AIMP1: variants seen among roughly 807,000 people sequenced by gnomAD.
The protein encoded by AIMP1 is aminoacyl tRNA synthetase complex interacting multifunctional protein 1.
Under a neutral mutation model 33.1 loss-of-function variants are expected in AIMP1, and 24 were observed. The observed-to-expected ratio is 0.73, with a 90% confidence interval of 0.53 to 1.02. The LOEUF is 1.02. Ranked by LOEUF, AIMP1 falls within the 50% of genes least tolerant of loss-of-function variation. The pLI, the probability that AIMP1 is intolerant of heterozygous loss-of-function variation, is 0.00. For synonymous variants in AIMP1, 120 were observed against 121.5 expected (o/e 0.99, Z 0.08); for missense variants, 367 against 364.8 (o/e 1.01, Z -0.05).
Position 106,316,582 on chromosome 4 carries a change from T to C in AIMP1, c.-38T>C. On this transcript the variant is annotated 5_prime_UTR_variant, in exon 1 of 7. Coordinates refer to ENST00000672341, the MANE Select transcript of AIMP1 (RefSeq NM_001142416.2). ...GCTGTGGCTGTCTCGGAACCCGTGG[T>C]CCTCCGCTTCATGTGAGTGACGTCG... 1.9e-6 allele frequency: 3 copies of C among 1,551,578 alleles called. No individual in the cohort carries two copies. The highest frequency in any genetic ancestry group is 1.4e-5 in the African/African-American group (1 of 73,168).
intron 1 of AIMP1, 54 bp from the exon 2 acceptor site, chr4:106,324,931 A>G (rs561196891): frequency 3.5e-5 from 50 of 1,427,032 alleles, no homozygotes; most frequent in Admixed American, 4.7e-5. Flanking sequence ...AGTGGCCTAT[A>G]GTATAAATTT....
chr4:106,332,566 T>C (rs531041357), intron 5 of AIMP1, among the ~76,000 whole-genome samples: 1 of 150,538 alleles, frequency 6.6e-6, no homozygotes, highest in South Asian at 2.1e-4. Flanking sequence ...CATTTACAGA[T>C]GACGTTTAGG....
intron 6 of AIMP1, among the ~76,000 whole-genome samples, chr4:106,345,148 G>A (rs1477996531): frequency 2.0e-5 from 3 of 152,158 alleles, no homozygotes; most frequent in African/African-American, 4.8e-5. Flanking sequence ...ATCTGAGAAG[G>A]TTAATTTTGT....
Position 106,343,534 on chromosome 4 carries a change from C to T in AIMP1, c.773-3992C>T, listed in dbSNP as rs907007544. Among the ~76,000 whole-genome samples, 24 of 152,128 alleles carry T rather than the reference C, an allele frequency of 1.6e-4. 1 individual carries two copies. Among genetic ancestry groups the T allele is most frequent in the Non-Finnish European group, 3.1e-4 (21 of 67,988 alleles). ...GGATTTTCTTTTTTTTTACAAGTAC[C>T]CATGACTTTGAATGAATCTGTGTCT... On this transcript the variant is annotated intron_variant, in intron 6 of 6. Coordinates refer to ENST00000672341, the MANE Select transcript of AIMP1 (RefSeq NM_001142416.2).
chr4:106,347,438 A>C, intron 6 of AIMP1, 88 bp from the exon 7 acceptor site: 5 of 1,282,162 alleles, frequency 3.9e-6, no homozygotes, highest in Non-Finnish European at 5.3e-6. Flanking sequence ...TTGCCAAAAC[A>C]ATTCACTGGA....
chr4:106,331,440 C>T (rs193030304), intron 4 of AIMP1, among the ~76,000 whole-genome samples: 1 of 152,138 alleles, frequency 6.6e-6, no homozygotes, highest in Non-Finnish European at 1.5e-5. Context: ...AGTTTGCCAA[C>T]CTCACACAAT....
At chr4:106,345,894 TA>T (rs1770280033) in intron 6 of AIMP1, among the ~76,000 whole-genome samples, 1 of 148,358 alleles carries the variant, frequency 6.7e-6, no homozygotes, top group African/African-American at 2.4e-5. Context: ...AATATAAATA[TA>T]AAATATATTT....
At chr4:106,316,881 C>T in intron 1 of AIMP1, 1 of 391,280 alleles carries the variant, frequency 2.6e-6, no homozygotes, top group Non-Finnish European at 4.7e-6. Context: ...TGTCAAAGGA[C>T]TTAGGTGCTT....
intron 6 of AIMP1, among the ~76,000 whole-genome samples, chr4:106,346,974 CAGTCAAAGCA>C (rs1377164168): frequency 1.3e-5 from 2 of 152,056 alleles, no homozygotes; most frequent in South Asian, 2.1e-4. Context: ...TTACTCGTGG[CAGTCAAAGCA>C]AGTCAAAGCA....
At chr4:106,347,430 G>A in intron 6 of AIMP1, 96 bp from the exon 7 acceptor site, 1 of 1,208,444 alleles carries the variant, frequency 8.3e-7, no homozygotes, top group South Asian at 1.9e-5. Flanking sequence ...AGAAAATGTT[G>A]CCAAAACAAT....
intron 4 of AIMP1, among the ~76,000 whole-genome samples, chr4:106,328,971 C>T (rs972776678): frequency 1.3e-5 from 2 of 151,930 alleles, no homozygotes. Context: ...GACTTCCTTT[C>T]CCCAGATATG....
At chr4:106,331,955 A>G in intron 5 of AIMP1, 72 bp downstream of exon 5, 1 of 1,419,202 alleles carries the variant, frequency 7.0e-7, no homozygotes, top group Non-Finnish European at 1.0e-6. Context: ...GTATCTTTCC[A>G]TTATAATTTT....
intron 4 of AIMP1, among the ~76,000 whole-genome samples, chr4:106,329,536 A>T (rs919856500): frequency 1.3e-5 from 2 of 152,200 alleles, no homozygotes; most frequent in East Asian, 3.9e-4. Context: ...ATGGTAGTCA[A>T]TGGCCACATG....
In AIMP1 at chr4:106,331,801, T is replaced by G; in HGVS notation, c.521T>G (p.Leu174Trp). Residue 174 changes from leucine to tryptophan, a missense_variant, in exon 5 of 7, where the codon TTG (leucine) becomes TGG (tryptophan). Transcript: ENST00000672341. ...TARKHPDADS[L>W]YVEEVDVGEI... ...AGAAAACACCCTGATGCAGATTCTT[T>G]GTATGTGGAAGAAGTAGATGTCGGA... 1 of 1,614,162 alleles carries G rather than the reference T, an allele frequency of 6.2e-7. No individual in the cohort carries two copies. Among genetic ancestry groups the G allele is most frequent in the South Asian group, 1.1e-5 (1 of 91,082 alleles).
At chr4:106,343,341 A>G (rs961310783) in intron 6 of AIMP1, among the ~76,000 whole-genome samples, 3 of 152,216 alleles carry the variant, frequency 2.0e-5, no homozygotes, top group Non-Finnish European at 2.9e-5. Flanking sequence ...TTATATAGGC[A>G]TGTTTTAAAA....
intron 6 of AIMP1, among the ~76,000 whole-genome samples, chr4:106,345,838 GAATATAAAATATA>G (rs1770276502): frequency 1.4e-5 from 2 of 147,922 alleles, no homozygotes; most frequent in African/African-American, 4.9e-5. Context: ...GATGTCATCA[GAATATAAAATATA>G]AATATAAAAT....
At chr4:106,318,700 C>T (rs999431860) in intron 1 of AIMP1, among the ~76,000 whole-genome samples, 3 of 152,082 alleles carry the variant, frequency 2.0e-5, no homozygotes, top group African/African-American at 7.2e-5. Context: ...ATAACTTAAT[C>T]TTGTCATTAT....
intron 6 of AIMP1, among the ~76,000 whole-genome samples, chr4:106,344,243 T>C (rs1770209468): frequency 6.6e-6 from 1 of 152,164 alleles, no homozygotes; most frequent in Non-Finnish European, 1.5e-5. Context: ...CTTATTCCTT[T>C]GGCAATTTTA....
At chr4:106,340,282 G>GTT (rs11437627) in intron 6 of AIMP1, among the ~76,000 whole-genome samples, 14 of 147,462 alleles carry the variant, frequency 9.5e-5, no homozygotes, top group Non-Finnish European at 1.5e-4. Flanking sequence ...GGTTTTTTGG[G>GTT]TTTTTTTTTT....
Sources: allele counts gnomAD v4.1 joint callset (sites outside exome capture counted in the v4.1 genomes callset), GRCh38; gene constraint gnomAD v4.1.1; transcripts MANE v1.5; gene names NCBI Gene and HGNC (gene_info 2026-07-23, HGNC 2026-07-21).